SP3: variants seen among roughly 807,000 people sequenced by gnomAD.
The protein encoded by SP3 is transcription factor Sp3.
SP3 carries 10 observed loss-of-function variants against 70.3 expected under a neutral mutation model. The observed-to-expected ratio is 0.14, with a 90% CI of 0.09 to 0.24. The LOEUF (loss-of-function observed/expected upper bound fraction) is 0.24, where lower values mean the gene tolerates loss of function less well. Ranked by LOEUF, SP3 falls within the 10% of genes least tolerant of loss-of-function variation. The probability of loss-of-function intolerance (pLI) is 1.00; values close to 1 mark genes in which losing one functional copy is unlikely to be tolerated. For missense variants in SP3, 825 were observed against 914.6 expected (o/e 0.90, Z 1.26); for synonymous variants, 402 against 333.5 (o/e 1.21, Z -2.24).
chr2:173,955,084 ATTCTGCAAG>A lies in SP3; in HGVS notation c.1419_1427del (p.Asn476_Gln478del). The stretch of plus-strand genomic sequence containing the variant: ...GGGCAGCAGTATTCTGTATTTGCAA[ATTCTGCAAG>A]TTCTGGACCCCTTGTACTTGAAACG... On this transcript the variant is annotated inframe_deletion, in exon 4 of 7. Transcript: ENST00000310015. 6.2e-7 allele frequency: 1 copy of A among 1,614,190 alleles called. No individual in the cohort carries two copies. The highest frequency in any genetic ancestry group is 8.5e-7 in the Non-Finnish European group (1 of 1,180,042).
Position 173,919,984 on chromosome 2 carries a change from T to A in SP3, c.1640-1199A>T, listed in dbSNP as rs144077378. Among the ~76,000 whole-genome samples the A allele has an allele frequency of 2.8e-4, 42 of 152,226 alleles. No homozygotes were observed. In the East Asian group the frequency reaches 6.6e-3, roughly 24 times the overall value. ...CCTAGTATTGGAATGGAAAAACAAA[T>A]CATATTTGTTCATACAATGGAACAT... On this transcript the variant is annotated intron_variant, in intron 4 of 6. Coordinates refer to ENST00000310015, the MANE Select transcript of SP3 (RefSeq NM_003111.5).
At chr2:173,920,716 G>A (rs935172572) in intron 4 of SP3, among the ~76,000 whole-genome samples, 5 of 151,752 alleles carry the variant, frequency 3.3e-5, no homozygotes, top group Admixed American at 2.0e-4. Context: ...TCAGCCTCCC[G>A]AGTAGCTGGG....
chr2:173,936,153 T>C (rs1226747403), intron 4 of SP3, among the ~76,000 whole-genome samples: 3 of 152,070 alleles, frequency 2.0e-5, no homozygotes, highest in Admixed American at 6.6e-5. Context: ...GCCTCCTGAG[T>C]TGCTCGGACT....
intron 4 of SP3, among the ~76,000 whole-genome samples, chr2:173,949,830 A>G (rs1174981949): frequency 6.6e-6 from 1 of 152,204 alleles, no homozygotes; most frequent in Non-Finnish European, 1.5e-5. Context: ...CCAACTTCAA[A>G]CACCTGACTC....
chr2:173,953,842 A>G (rs146726155), intron 4 of SP3, among the ~76,000 whole-genome samples: 3 of 151,042 alleles, frequency 2.0e-5, no homozygotes, highest in Non-Finnish European at 4.4e-5. Flanking sequence ...CCCAACCCCT[A>G]AAAAAAAATA....
At chr2:173,965,490 G>T, upstream of SP3, 1 of 330,006 alleles carries the variant, frequency 3.0e-6, no homozygotes, top group South Asian at 4.6e-5. Flanking sequence ...CGCGCTTCCT[G>T]TTTGCCCCCG....
intron 5 of SP3, among the ~76,000 whole-genome samples, chr2:173,918,001 T>TAA (rs1553515545): frequency 3.3e-5 from 5 of 150,836 alleles, no homozygotes; most frequent in African/African-American, 7.3e-5. Context: ...TTTTTTTTTT[T>TAA]AAAAAAAATA....
rs768982417 is a variant in SP3, at chr2:173,956,012, C to G, written c.500G>C (p.Ser167Thr). ...CTGTGGTATCACTTGATATTGAACA[C>G]TGGACACTGTACCATTTGATGAATC... ...GSDSSNGTVS[S>T]VQYQVIPQIQ... The change falls in exon 4 of 7, where the codon AGT (serine) becomes ACT (threonine). Residue 167 changes from serine to threonine, a missense_variant. Physicochemically the swap from Ser to Thr is moderately conservative, Grantham distance 58. Around this residue, in one of 4 missense-constraint regions of SP3, gnomAD observed 678 missense variants for 651.6 expected, o/e 1.04. Transcript: ENST00000310015. The G allele has an allele frequency of 5.0e-6, 8 of 1,614,190 alleles. No homozygotes were observed. The highest frequency in any genetic ancestry group is 5.9e-6 in the Non-Finnish European group (7 of 1,180,020).
chr2:173,926,878 T>C (rs1216502955), intron 4 of SP3, among the ~76,000 whole-genome samples: 4 of 152,154 alleles, frequency 2.6e-5, no homozygotes, highest in African/African-American at 9.7e-5. Context: ...TAGTCCGTTC[T>C]CCCACTGCTA....
intron 4 of SP3, among the ~76,000 whole-genome samples, chr2:173,933,482 G>C: frequency 6.6e-6 from 1 of 151,608 alleles, no homozygotes; most frequent in East Asian, 1.9e-4. Flanking sequence ...AGCTGATGCT[G>C]CTTTCCTGAC....
At chr2:173,944,197 T>C (rs187156156) in intron 4 of SP3, among the ~76,000 whole-genome samples, 1 of 152,318 alleles carries the variant, frequency 6.6e-6, no homozygotes, top group Admixed American at 6.5e-5. Flanking sequence ...AGAGAATTTA[T>C]GAGATTTATG....
At chr2:173,919,508 T>C (rs1689691556) in intron 4 of SP3, among the ~76,000 whole-genome samples, 1 of 152,218 alleles carries the variant, frequency 6.6e-6, no homozygotes, top group Non-Finnish European at 1.5e-5. Flanking sequence ...ATTAGTGTCC[T>C]ACATGGTGGC....
At chr2:173,958,815 G>A (rs1261452841) in intron 3 of SP3, among the ~76,000 whole-genome samples, 8 of 150,464 alleles carry the variant, frequency 5.3e-5, no homozygotes, top group Admixed American at 5.3e-4. Context: ...TCTAGTTCTG[G>A]CTACACTGTG....
chr2:173,928,557 T>C (rs894558410), intron 4 of SP3, among the ~76,000 whole-genome samples: 1 of 151,616 alleles, frequency 6.6e-6, no homozygotes, highest in African/African-American at 2.4e-5. Flanking sequence ...GTTCCAACAC[T>C]TTCTGCAGAC....
intron 4 of SP3, among the ~76,000 whole-genome samples, chr2:173,950,180 T>G (rs1690671750): frequency 6.6e-6 from 1 of 151,518 alleles, no homozygotes; most frequent in East Asian, 1.9e-4. Context: ...GGATAAGGAG[T>G]AGTAAAAGTA....
At chr2:173,958,474 T>C (rs985101708) in intron 3 of SP3, among the ~76,000 whole-genome samples, 8 of 151,632 alleles carry the variant, frequency 5.3e-5, no homozygotes, top group Non-Finnish European at 1.0e-4. Flanking sequence ...AGGCCATTAA[T>C]TGAAGGAAAA....
intron 6 of SP3, among the ~76,000 whole-genome samples, chr2:173,912,071 G>A (rs570762288): frequency 6.6e-6 from 1 of 152,194 alleles, no homozygotes; most frequent in African/African-American, 2.4e-5. Context: ...TGCCTTCCTT[G>A]GCCTCCCAAA....
chr2:173,914,889 A>G (rs991663866), intron 5 of SP3: 6 of 152,158 alleles, frequency 3.9e-5, no homozygotes, highest in African/African-American at 7.2e-5. Context: ...CCTAAGAAAA[A>G]CAGCAATGTT....
At chr2:173,951,116 C>G (rs1280312819) in intron 4 of SP3, among the ~76,000 whole-genome samples, 12 of 152,146 alleles carry the variant, frequency 7.9e-5, no homozygotes, top group Non-Finnish European at 1.5e-5. Context: ...GTGCTTTATA[C>G]CAACTTCATT....
Sources: allele counts gnomAD v4.1 joint callset (sites outside exome capture counted in the v4.1 genomes callset), GRCh38; gene constraint gnomAD v4.1.1; regional missense constraint gnomAD v4.1.1; transcripts MANE v1.5; gene names NCBI Gene and HGNC (gene_info 2026-07-23, HGNC 2026-07-21).